PDE4D: variants seen among roughly 807,000 people sequenced by gnomAD.
PDE4D encodes the protein phosphodiesterase 4D.
Under a neutral mutation model 87.4 loss-of-function variants are expected in PDE4D, and 24 were observed. The observed-to-expected ratio is 0.27, with a 90% CI of 0.20 to 0.39. PDE4D has a LOEUF of 0.39. Among genes scored for constraint, PDE4D ranks in the 10% least tolerant of loss-of-function variants. The pLI is 1.00. For missense variants in PDE4D, 714 were observed against 1,041.0 expected, an observed-to-expected ratio of 0.69 and a Z score of 4.32; for synonymous variants, 384 against 383.2, an observed-to-expected ratio of 1.00 and a Z score of -0.02.
chr5:59,508,955 A>G (rs1298821878), intron 1 of PDE4D, among the ~76,000 whole-genome samples: 3 of 152,010 alleles, frequency 2.0e-5, no homozygotes, highest in East Asian at 1.9e-4. Flanking sequence ...TGGGGCCAAC[A>G]TAAGTCTTAC....
chr5:60,193,638 C>CCGCAG (rs1785382974), intron 1 of PDE4D, among the ~76,000 whole-genome samples: 1 of 122,732 alleles, frequency 8.1e-6, no homozygotes, highest in African/African-American at 3.0e-5. Flanking sequence ...CGCCACTGCA[C>CCGCAG]TCCAGCCTGG....
chr5:59,228,313 T>C (rs1754298182), intron 1 of PDE4D, among the ~76,000 whole-genome samples: 1 of 152,052 alleles, frequency 6.6e-6, no homozygotes, highest in African/African-American at 2.4e-5. Context: ...TCAGGTACTA[T>C]GCTTAGCACC....
intron 2 of PDE4D, among the ~76,000 whole-genome samples, chr5:60,078,355 T>C (rs542392805): frequency 3.6e-4 from 55 of 152,314 alleles, no homozygotes; most frequent in African/African-American, 1.2e-3. Flanking sequence ...TTGTATCCCA[T>C]ATGTTTTGGT....
chr5:59,930,047 A>C (rs1453497330), intron 3 of PDE4D, among the ~76,000 whole-genome samples: 1 of 151,890 alleles, frequency 6.6e-6, no homozygotes, highest in East Asian at 1.9e-4. Flanking sequence ...CTGTAGTCCC[A>C]GCTACTCGGG....
intron 1 of PDE4D, among the ~76,000 whole-genome samples, chr5:59,778,514 G>A (rs1001465246): frequency 2.0e-5 from 3 of 152,120 alleles, no homozygotes; most frequent in African/African-American, 7.2e-5. Context: ...TTCTAGTTAG[G>A]CTAATAACCA....
intron 5 of PDE4D, among the ~76,000 whole-genome samples, chr5:59,059,456 CT>C (rs1762818167): frequency 6.6e-6 from 1 of 152,166 alleles, no homozygotes; most frequent in African/African-American, 2.4e-5. Context: ...TCTCGTGAGA[CT>C]TTAGGACTCT....
At chr5:59,274,461 C>T (rs1345154396) in intron 1 of PDE4D, among the ~76,000 whole-genome samples, 1 of 152,062 alleles carries the variant, frequency 6.6e-6, no homozygotes, top group Admixed American at 6.6e-5. Flanking sequence ...GCCTGTTTTC[C>T]TCCCATTCTC....
intron 1 of PDE4D, among the ~76,000 whole-genome samples, chr5:59,882,950 G>T (rs1749666663): frequency 6.6e-6 from 1 of 152,206 alleles, no homozygotes; most frequent in East Asian, 1.9e-4. Context: ...GATAAATTTT[G>T]TATTTTTTGG....
At chr5:59,353,066 T>C (rs1185714055) in intron 1 of PDE4D, among the ~76,000 whole-genome samples, 1 of 152,176 alleles carries the variant, frequency 6.6e-6, no homozygotes, top group African/African-American at 2.4e-5. Context: ...CTGCCCTACA[T>C]TCAAATGTAC....
At chr5:60,225,839 A>C (rs1745032607) in intron 1 of PDE4D, among the ~76,000 whole-genome samples, 1 of 152,040 alleles carries the variant, frequency 6.6e-6, no homozygotes, top group African/African-American at 2.4e-5. Flanking sequence ...AGATAGAAAA[A>C]CTGAGGCACA....
At chr5:60,492,124 TAA>T (rs776940230), upstream of PDE4D, among the ~76,000 whole-genome samples, 21 of 130,428 alleles carry the variant, frequency 1.6e-4, no homozygotes, top group Middle Eastern at 3.8e-3. Context: ...AAAGTATAAT[TAA>T]AAAAAAAAAA....
At chr5:59,932,495 T>TA (rs1756078664) in intron 3 of PDE4D, among the ~76,000 whole-genome samples, 1 of 152,232 alleles carries the variant, frequency 6.6e-6, no homozygotes, top group Non-Finnish European at 1.5e-5. Flanking sequence ...CTACTATTAT[T>TA]AAGTCCTCAG....
intron 1 of PDE4D, among the ~76,000 whole-genome samples, chr5:59,695,666 AAC>A (rs1751667967): frequency 1.3e-5 from 2 of 152,268 alleles, no homozygotes; most frequent in South Asian, 4.1e-4. Flanking sequence ...CAGTGGTACA[AAC>A]ACAGTTCGCT....
intron 1 of PDE4D, among the ~76,000 whole-genome samples, chr5:60,301,083 T>A (rs1753849185): frequency 6.6e-6 from 1 of 152,216 alleles, no homozygotes; most frequent in Non-Finnish European, 1.5e-5. Context: ...GTGTCTGTTC[T>A]TATACCAATA....
At chr5:60,143,098 G>A (rs2149423732) in intron 2 of PDE4D, among the ~76,000 whole-genome samples, 1 of 152,334 alleles carries the variant, frequency 6.6e-6, no homozygotes, top group East Asian at 1.9e-4. Context: ...GTAGCTGGGA[G>A]TGAATAAGGA....
chr5:60,015,791 C>T (rs537767958), intron 2 of PDE4D, among the ~76,000 whole-genome samples: 15 of 152,040 alleles, frequency 9.9e-5, no homozygotes, highest in South Asian at 6.2e-4. Context: ...TGATAGCCTT[C>T]GGATTTGAGT....
intron 1 of PDE4D, among the ~76,000 whole-genome samples, chr5:59,372,659 C>T (rs1376795682): frequency 6.6e-6 from 1 of 152,186 alleles, no homozygotes; most frequent in Non-Finnish European, 1.5e-5. Context: ...CAGCCAACAC[C>T]ACCTCCAGTG....
intron 1 of PDE4D, among the ~76,000 whole-genome samples, chr5:60,441,139 C>T (rs924117141): frequency 3.9e-5 from 6 of 152,084 alleles, no homozygotes; most frequent in Admixed American, 1.3e-4. Flanking sequence ...CAAGACAATC[C>T]TAAGCAAAAA....
chr5:60,130,688 T>C (rs1046481128), intron 2 of PDE4D, among the ~76,000 whole-genome samples: 1 of 152,128 alleles, frequency 6.6e-6, no homozygotes, highest in Non-Finnish European at 1.5e-5. Context: ...CCAGCTTACT[T>C]GTCTTGGGGC....
Sources: allele counts gnomAD v4.1 joint callset (sites outside exome capture counted in the v4.1 genomes callset), GRCh38; gene constraint gnomAD v4.1.1; transcripts MANE v1.5; gene names NCBI Gene and HGNC (gene_info 2026-07-23, HGNC 2026-07-21).